ADCY10: variants seen among roughly 807,000 people sequenced by gnomAD.
ADCY10 encodes adenylate cyclase 10.
A neutral mutation model predicts 183.3 loss-of-function variants in ADCY10; 156 were observed. The ratio of observed to expected loss-of-function variants is 0.85; its 90% CI spans 0.75 to 0.97. The LOEUF is 0.97. Among genes scored for constraint, ADCY10 ranks in the 50% least tolerant of loss-of-function variants. The probability of loss-of-function intolerance (pLI) is 0.00; values close to 1 mark genes in which losing one functional copy is unlikely to be tolerated. For missense variants in ADCY10, 1,745 were observed against 1,934.3 expected (o/e 0.90, Z 1.84); for synonymous variants, 645 against 670.0 (o/e 0.96, Z 0.58).
In ADCY10 at chr1:167,825,406, T is replaced by C. The variant is rs376724612; in HGVS notation, c.3751-551A>G. Among the ~76,000 whole-genome samples, 44 of 152,110 alleles carry C rather than the reference T, an allele frequency of 2.9e-4. 1 individual carries two copies. In the East Asian group the frequency reaches 6.9e-3, roughly 24 times the overall value. ...TGGCTCACATCTATAATCCCAGCAC[T>C]TCTGGAGGCCGAGGCAGGAGGATTG... On this transcript the variant is annotated intron_variant, in intron 26 of 32. Coordinates refer to ENST00000367851, the MANE Select transcript of ADCY10 (RefSeq NM_018417.6).
intron 14 of ADCY10, among the ~76,000 whole-genome samples, chr1:167,864,465 C>T (rs1418874631): frequency 6.6e-6 from 1 of 152,070 alleles, no homozygotes; most frequent in Admixed American, 6.6e-5. Context: ...ACCTGTAAGC[C>T]AAGGCACACA....
chr1:167,871,967 A>C (rs963897582), intron 13 of ADCY10, among the ~76,000 whole-genome samples: 2 of 152,240 alleles, frequency 1.3e-5, no homozygotes, highest in African/African-American at 2.4e-5. Context: ...ACATGTATAC[A>C]TATGTAACAA....
At chr1:167,857,871 CAGCACCAACTGA>C (rs762570834) in intron 16 of ADCY10, among the ~76,000 whole-genome samples, 11 of 152,226 alleles carry the variant, frequency 7.2e-5, no homozygotes, top group Non-Finnish European at 1.5e-4. Context: ...GATTCTGCTT[CAGCACCAACTGA>C]AAAGTTTTAA....
At chr1:167,838,895 A>G (rs1664420466) in intron 21 of ADCY10, among the ~76,000 whole-genome samples, 1 of 152,220 alleles carries the variant, frequency 6.6e-6, no homozygotes. Flanking sequence ...CATTTTCTCA[A>G]GACAAAAACC....
chr1:167,845,728 C>T lies in ADCY10; in HGVS notation c.2842G>A (p.Ala948Thr). The T allele has an allele frequency of 1.2e-6, 2 of 1,614,244 alleles. No individual in the cohort carries two copies. Among genetic ancestry groups the T allele is most frequent in the Non-Finnish European group, 1.7e-6 (2 of 1,180,046 alleles). ...YELWLKDQRK[A>T]MHLKCARFLE... ...AAGCGGGCACATTTCAAGTGCATGG[C>T]TTTTCTCTGGTCCTTGAGCCACAGC... Residue 948 changes from alanine (A) to threonine (T), a missense_variant, in exon 21 of 33, where the codon GCC becomes ACC. By Grantham distance (58) the Ala-to-Thr change is moderately conservative. Transcript: ENST00000367851.
At position 167,870,408 on chromosome 1, in the gene ADCY10, G is replaced by A. The variant is rs748485936; in HGVS notation, c.1465C>T (p.Arg489Cys). Residue 489 changes from arginine to cysteine, a missense_variant and splice_region_variant, in exon 14 of 33, where the codon CGT becomes TGT. By Grantham distance (180) the Arg-to-Cys change is radical. Coordinates refer to ENST00000367851, the MANE Select transcript of ADCY10 (RefSeq NM_018417.6). ...NRKEDYPLLG[R>C]NKEINYFMYT... ...ATGAAGTAGTTGATCTCTTTATTAC[G>A]TCCTGTTATTTTTAGTTTTAAAAAA... 3.1e-6 allele frequency: 5 copies of A among 1,605,994 alleles called. No individual in the cohort carries two copies. The South Asian group carries it at 3.3e-5, about 11-fold the overall frequency.
chr1:167,825,632 A>G (rs1663229141), intron 26 of ADCY10, among the ~76,000 whole-genome samples: 1 of 152,294 alleles, frequency 6.6e-6, no homozygotes, highest in East Asian at 1.9e-4. Context: ...AGATTTTAAA[A>G]AAAAGTAGCC....
chr1:167,853,414 C>T (rs943510162), intron 18 of ADCY10, among the ~76,000 whole-genome samples: 6 of 152,072 alleles, frequency 3.9e-5, no homozygotes, highest in Admixed American at 1.3e-4. Context: ...CAAGGAAAAA[C>T]GTGGCAGTGG....
At chr1:167,869,419 G>A (rs193209682) in intron 14 of ADCY10, among the ~76,000 whole-genome samples, 7 of 152,248 alleles carry the variant, frequency 4.6e-5, no homozygotes, top group Admixed American at 3.3e-4. Flanking sequence ...AGTCTCAAAC[G>A]GGGGAAATGA....
chr1:167,837,868 C>T (rs999464010), intron 21 of ADCY10, among the ~76,000 whole-genome samples: 3 of 152,184 alleles, frequency 2.0e-5, no homozygotes, highest in Non-Finnish European at 4.4e-5. Context: ...AAAAGGTTAA[C>T]TGAAGGGCAG....
At chr1:167,903,267 T>TAA in intron 3 of ADCY10, among the ~76,000 whole-genome samples, 1 of 108,350 alleles carries the variant, frequency 9.2e-6, no homozygotes, top group East Asian at 2.6e-4. Flanking sequence ...AAAAAAAAAA[T>TAA]TAATAAATAA....
intron 8 of ADCY10, among the ~76,000 whole-genome samples, chr1:167,885,242 G>C (rs956786466): frequency 1.3e-5 from 2 of 152,190 alleles, no homozygotes; most frequent in Non-Finnish European, 2.9e-5. Context: ...TAGCACTGCA[G>C]TAAACATGGG....
At chr1:167,904,173 C>T (rs1361496322) in intron 2 of ADCY10, among the ~76,000 whole-genome samples, 182 bp from the exon 3 acceptor site, 3 of 151,052 alleles carry the variant, frequency 2.0e-5, no homozygotes, top group African/African-American at 7.3e-5. Flanking sequence ...CTGCAACCTC[C>T]GCCTCCCGGG....
chr1:167,869,219 T>G (rs1400435406), intron 14 of ADCY10, among the ~76,000 whole-genome samples: 1 of 152,200 alleles, frequency 6.6e-6, no homozygotes, highest in African/African-American at 2.4e-5. Flanking sequence ...GTTATAATAG[T>G]AATAGAAACC....
chr1:167,831,253 G>A (rs991938221), intron 25 of ADCY10, among the ~76,000 whole-genome samples: 4 of 151,902 alleles, frequency 2.6e-5, no homozygotes, highest in South Asian at 4.2e-4. Context: ...GCAGTGGCGC[G>A]ATCTTGGCTC....
At chr1:167,904,083 T>A (rs1045182141) in intron 2 of ADCY10, 92 bp from the exon 3 acceptor site, 11 of 101,260 alleles carry the variant, frequency 1.1e-4, no homozygotes, top group South Asian at 2.4e-4. Context: ...GGGCCTCAGC[T>A]TTTTTTTTTT....
intron 11 of ADCY10, 58 bp from the exon 12 acceptor site, chr1:167,878,693 T>C (rs1667664875): frequency 1.3e-6 from 2 of 1,536,948 alleles, no homozygotes; most frequent in South Asian, 2.3e-5. Flanking sequence ...GAACTGAATG[T>C]AATCTGAAAC....
rs776609540 is a variant in ADCY10, at chr1:167,905,119, ATTC to A, written c.19_21del (p.Glu7del). 6 of 1,614,084 alleles carry A rather than the reference ATTC, an allele frequency of 3.7e-6. No individual in the cohort carries two copies. The highest frequency in any genetic ancestry group is 2.2e-5 in the East Asian group (1 of 44,892). The stretch of plus-strand genomic sequence containing the variant: ...ATTCTGACTATGGGCCAGTCCTGGA[ATTC>A]TTCTTTTGGAGTGTTCATGTTCAAG... On this transcript the variant is annotated inframe_deletion, in exon 2 of 33. Transcript: ENST00000367851.
At chr1:167,832,811 G>A (rs548041626) in intron 25 of ADCY10, among the ~76,000 whole-genome samples, 176 bp downstream of exon 25, 4 of 152,160 alleles carry the variant, frequency 2.6e-5, no homozygotes, top group Admixed American at 2.6e-4. Context: ...GTACTTTGTG[G>A]CAACCCTGGT....
Sources: allele counts gnomAD v4.1 joint callset (sites outside exome capture counted in the v4.1 genomes callset), GRCh38; gene constraint gnomAD v4.1.1; transcripts MANE v1.5; gene names NCBI Gene and HGNC (gene_info 2026-07-23, HGNC 2026-07-21).